The following DSE variants were observed in gnomAD, a reference collection of about 807,000 sequenced individuals.
DSE encodes dermatan-sulfate epimerase.
A neutral mutation model predicts 84.4 loss-of-function variants in DSE; 36 were observed. That is an observed-to-expected ratio of 0.43 (90% CI 0.33 to 0.56). DSE has a LOEUF of 0.56. DSE is among the 20% of genes least tolerant of loss of function. DSE has a pLI of 0.06. For synonymous variants in DSE, 410 were observed against 430.1 expected (o/e 0.95, Z 0.58); for missense variants, 862 against 1,169.6 (o/e 0.74, Z 3.84).
intron 2 of DSE, among the ~76,000 whole-genome samples, chr6:116,263,962 C>G (rs1772517760): frequency 6.6e-6 from 1 of 152,314 alleles, no homozygotes; most frequent in Non-Finnish European, 1.5e-5. Context: ...ACTAAGAAGT[C>G]CACCATAAGT....
chr6:116,295,466 A>C (rs753669941), intron 2 of DSE, among the ~76,000 whole-genome samples: 3 of 152,178 alleles, frequency 2.0e-5, no homozygotes, highest in African/African-American at 2.4e-5. Flanking sequence ...TTTTAATTTC[A>C]AGGTCTTTAT....
chr6:116,359,657 A>C (rs1778778531), intron 2 of DSE, among the ~76,000 whole-genome samples: 1 of 152,252 alleles, frequency 6.6e-6, no homozygotes. Context: ...ACTCAGAATA[A>C]AAACTGTAAT....
chr6:116,413,968 G>T (rs1244916359), intron 2 of DSE, among the ~76,000 whole-genome samples: 1 of 152,168 alleles, frequency 6.6e-6, no homozygotes, highest in African/African-American at 2.4e-5. Flanking sequence ...CGTGTTCTCA[G>T]AATATTAGGC....
intron 2 of DSE, among the ~76,000 whole-genome samples, chr6:116,334,250 T>C (rs1002082770): frequency 2.6e-5 from 4 of 152,186 alleles, no homozygotes; most frequent in Non-Finnish European, 5.9e-5. Context: ...CAAGTCCCCA[T>C]TTCAACCCTT....
chr6:116,403,164 T>C (rs2640859), intron 2 of DSE, among the ~76,000 whole-genome samples: 9 of 152,264 alleles, frequency 5.9e-5, no homozygotes, highest in African/African-American at 2.2e-4. Context: ...ATCTATATGC[T>C]TTATCTACTT....
intron 2 of DSE, among the ~76,000 whole-genome samples, chr6:116,321,943 C>G (rs1008313759): frequency 6.6e-6 from 1 of 152,058 alleles, no homozygotes; most frequent in African/African-American, 2.4e-5. Context: ...GCAGGACGAG[C>G]CACAGACAAA....
Position 116,317,459 on chromosome 6 carries a change from C to T in DSE, c.-54+58492C>T, listed in dbSNP as rs572903121. On this transcript the variant is annotated intron_variant, in intron 2 of 3. Transcript: ENST00000430252. ...CTTTCCAGAATAATTTCTCTTTACA[C>T]ATTCTTTAACCTGGTTATTATCAGT... 1.6e-4 allele frequency among the ~76,000 whole-genome samples: 24 copies of T among 152,344 alleles called. No individual in the cohort carries two copies. The South Asian group carries it at 1.9e-3, about 12-fold the overall frequency.
intron 2 of DSE, among the ~76,000 whole-genome samples, chr6:116,354,729 T>C (rs1778486789): frequency 1.3e-5 from 2 of 152,196 alleles, no homozygotes; most frequent in Admixed American, 6.5e-5. Flanking sequence ...ATAACATCTA[T>C]ATAAAAATTA....
At chr6:116,314,355 T>C (rs1583000125) in intron 2 of DSE, among the ~76,000 whole-genome samples, 1 of 152,198 alleles carries the variant, frequency 6.6e-6, no homozygotes, top group East Asian at 1.9e-4. Flanking sequence ...TTGAGGGTCA[T>C]GGGAAAAAGT....
At chr6:116,308,500 C>T (rs551406464) in intron 2 of DSE, among the ~76,000 whole-genome samples, 162 of 152,136 alleles carry the variant, frequency 1.1e-3, no homozygotes, top group Middle Eastern at 3.4e-3. Flanking sequence ...AGTATTATGA[C>T]GATGGCCTGG....
At chr6:116,395,388 G>A (rs2114984623) in intron 1 of DSE, among the ~76,000 whole-genome samples, 1 of 152,196 alleles carries the variant, frequency 6.6e-6, no homozygotes, top group East Asian at 1.9e-4. Flanking sequence ...TCGGGCCACT[G>A]CACTCCAGCC....
chr6:116,358,959 G>GT (rs1778733056), intron 2 of DSE, among the ~76,000 whole-genome samples: 1 of 152,174 alleles, frequency 6.6e-6, no homozygotes, highest in African/African-American at 2.4e-5. Context: ...AACATGAACA[G>GT]TATCTCTCTA....
intron 2 of DSE, among the ~76,000 whole-genome samples, chr6:116,273,888 G>A (rs941775296): frequency 1.2e-4 from 17 of 143,720 alleles, no homozygotes; most frequent in African/African-American, 4.5e-4. Context: ...GGAGTGCCAT[G>A]GCTCAATCTT....
chr6:116,439,708 A>G lies in DSE; in HGVS notation c.*2363A>G, dbSNP rs1256368255. The G allele has an allele frequency of 6.6e-6, 1 of 152,186 alleles. No homozygotes were observed. Among genetic ancestry groups the G allele is most frequent in the Non-Finnish European group, 1.5e-5 (1 of 68,032 alleles). 9.4% of individuals were successfully genotyped at this position (152,186 alleles called of 1,614,324 possible). The stretch of plus-strand genomic sequence containing the variant: ...CTGCTCACTATGACAGGAATGTTTC[A>G]AGTTCATTTGATAATATGTGAGCTG... On this transcript the variant is annotated 3_prime_UTR_variant, in exon 6 of 6. Coordinates refer to ENST00000644252, the MANE Select transcript of DSE (RefSeq NM_013352.4).
chr6:116,263,308 G>A (rs1772490020), intron 2 of DSE, among the ~76,000 whole-genome samples: 1 of 151,608 alleles, frequency 6.6e-6, no homozygotes, highest in Non-Finnish European at 1.5e-5. Context: ...TGGGTGCATA[G>A]TTAGGTCTTC....
At chr6:116,291,152 G>A (rs1774256785) in intron 2 of DSE, among the ~76,000 whole-genome samples, 1 of 152,092 alleles carries the variant, frequency 6.6e-6, no homozygotes, top group Non-Finnish European at 1.5e-5. Flanking sequence ...CAGTGTTGTG[G>A]AGAAGATAGA....
At chr6:116,305,490 T>A (rs536071997) in intron 2 of DSE, among the ~76,000 whole-genome samples, 1 of 152,230 alleles carries the variant, frequency 6.6e-6, no homozygotes, top group Non-Finnish European at 1.5e-5. Flanking sequence ...TACATGGTCC[T>A]GGATTAGGTC....
chr6:116,298,154 A>G (rs1397250316), intron 2 of DSE, among the ~76,000 whole-genome samples: 2 of 152,196 alleles, frequency 1.3e-5, no homozygotes, highest in Non-Finnish European at 2.9e-5. Flanking sequence ...GCCAGTACCA[A>G]ATCTATAAAT....
chr6:116,373,877 C>G (rs1308064756), intron 1 of DSE, among the ~76,000 whole-genome samples: 1 of 152,072 alleles, frequency 6.6e-6, no homozygotes, highest in Non-Finnish European at 1.5e-5. Context: ...TGCCTTGGAT[C>G]ACACTGTGTT....
Sources: allele counts gnomAD v4.1 joint callset (sites outside exome capture counted in the v4.1 genomes callset), GRCh38; gene constraint gnomAD v4.1.1; transcripts MANE v1.5; gene names NCBI Gene and HGNC (gene_info 2026-07-23, HGNC 2026-07-21).